Variants in SPRY3 observed in about 807,000 individuals in gnomAD.
SPRY3 encodes the protein protein sprouty homolog 3.
SPRY3 carries 15 observed loss-of-function variants against 20.2 expected under a neutral mutation model. The ratio of observed to expected loss-of-function variants is 0.74; its 90% CI spans 0.50 to 1.14. The LOEUF (loss-of-function observed/expected upper bound fraction) is 1.14. Ranked by LOEUF, SPRY3 falls within the 50% of genes most tolerant of loss-of-function variation. The pLI, the probability that SPRY3 is intolerant of heterozygous loss-of-function variation, is 0.00. For synonymous variants in SPRY3, 143 were observed against 136.5 expected (o/e 1.05, Z -0.33); for missense variants, 364 against 363.9 (o/e 1.00, Z 0.00).
Position 155,616,134 on chromosome X carries a change from T to TCTCTCTCTCTC in SPRY3, c.-441+3488_-441+3498dup, listed in dbSNP as rs2067852455. ...TCTCTCTCTCTCTCTCTCTCTCCTC[T>TCTCTCTCTCTC]CTCTCTCTCTCTCTCTTCTCTCTCT... On this transcript the variant is annotated intron_variant, in intron 1 of 3. Coordinates refer to ENST00000675360, the Ensembl canonical transcript of SPRY3. Among the ~76,000 whole-genome samples the TCTCTCTCTCTC allele has an allele frequency of 6.8e-3, 398 of 58,389 alleles. 15 individuals are homozygous for TCTCTCTCTCTC. The highest frequency in any genetic ancestry group is 9.7e-3 in the Non-Finnish European group (232 of 24,011). 50.7% of individuals were successfully genotyped at this position (58,389 alleles called of 115,157 possible). A position where few individuals can be genotyped will look rare whatever the true frequency, so the allele number is the denominator to read the frequency against.
intron 2 of SPRY3, among the ~76,000 whole-genome samples, chrX:155,742,866 G>T (rs1163091213): frequency 6.6e-6 from 1 of 152,044 alleles, no homozygotes; most frequent in African/African-American, 2.4e-5. Flanking sequence ...AGCATTAAAT[G>T]CCCACATCAA....
intron 2 of SPRY3, among the ~76,000 whole-genome samples, chrX:155,755,326 A>G (rs191931148): frequency 6.4e-4 from 98 of 152,136 alleles, no homozygotes; most frequent in African/African-American, 2.2e-3. Context: ...ATGCTTCCCA[A>G]TCTTCAGTCT....
At chrX:155,727,211 C>T (rs2091104115) in intron 2 of SPRY3, among the ~76,000 whole-genome samples, 3 of 152,128 alleles carry the variant, frequency 2.0e-5, no homozygotes, top group Non-Finnish European at 4.4e-5. Context: ...GGTAACCCAA[C>T]CTTTCTCTCT....
At chrX:155,651,755 G>C (rs2067978160) in intron 1 of SPRY3, among the ~76,000 whole-genome samples, 1 of 111,715 alleles carries the variant, frequency 9.0e-6, no homozygotes, top group Non-Finnish European at 1.9e-5. Context: ...TGGGGTACAT[G>C]AGATGTTTCA....
At chrX:155,778,946 A>C (rs1007939797), downstream of SPRY3, 1 of 167,036 alleles carries the variant, frequency 6.0e-6, no homozygotes, top group Non-Finnish European at 1.5e-5. Flanking sequence ...ATGAGTAAGG[A>C]AAGGGTTAAT....
At position 155,691,032 on chromosome X, in the gene SPRY3, T is replaced by A. The variant is rs1407306356; in HGVS notation, c.-282+34007T>A. ...ACATTTTTATTTTATCGTATATGATTTGTGTCCTATCTAAGGAGTATTGCC... is the reference window on the plus strand; with the variant it reads ...ACATTTTTATTTTATCGTATATGATATGTGTCCTATCTAAGGAGTATTGCC... On this transcript the variant is annotated intron_variant, in intron 2 of 3. Transcript: ENST00000675360. Among the ~76,000 whole-genome samples the A allele has an allele frequency of 2.3e-5, 2 of 87,010 alleles. 1 individual carries two copies. Among genetic ancestry groups the A allele is most frequent in the African/African-American group, 1.1e-4 (2 of 17,989 alleles). The allele number at this position is 87,010 out of a possible 115,157, so 75.6% of individuals were successfully genotyped here. A position where few individuals can be genotyped will look rare whatever the true frequency, so the allele number is the denominator to read the frequency against.
At chrX:155,720,575 C>T (rs975349841) in intron 2 of SPRY3, among the ~76,000 whole-genome samples, 1 of 152,132 alleles carries the variant, frequency 6.6e-6, no homozygotes, top group South Asian at 2.1e-4. Flanking sequence ...GTCATGCCAC[C>T]CCCAGCTTCA....
chrX:155,758,735 C>G (rs6655071), intron 2 of SPRY3, among the ~76,000 whole-genome samples: 51,636 of 151,966 alleles, frequency 0.34, 10,846 homozygotes, highest in African/African-American at 0.59. Context: ...CAAAACATGA[C>G]AAAATGAGTT....
chrX:155,747,418 A>G (rs1174126388), intron 2 of SPRY3, among the ~76,000 whole-genome samples: 1 of 151,900 alleles, frequency 6.6e-6, no homozygotes, highest in Non-Finnish European at 1.5e-5. Context: ...AGATTTTCCT[A>G]TTTTCATTTA....
At chrX:155,621,740 G>A (rs1557349450) in intron 1 of SPRY3, among the ~76,000 whole-genome samples, 1 of 111,605 alleles carries the variant, frequency 9.0e-6, no homozygotes, top group Non-Finnish European at 1.9e-5. Flanking sequence ...TACCAGCAAT[G>A]CTTGGCCCAA....
At chrX:155,720,033 T>G (rs753715068) in intron 2 of SPRY3, among the ~76,000 whole-genome samples, 113 of 152,238 alleles carry the variant, frequency 7.4e-4, no homozygotes, top group African/African-American at 2.5e-3. Context: ...TGATGGCATT[T>G]CTGGACCTGC....
chrX:155,767,448 G>A (rs1345826779), intron 2 of SPRY3, among the ~76,000 whole-genome samples: 2 of 151,926 alleles, frequency 1.3e-5, no homozygotes, highest in Non-Finnish European at 1.5e-5. Context: ...GGTATCTATT[G>A]CTCCGTTGAG....
At chrX:155,725,734 G>A (rs915316901) in intron 2 of SPRY3, among the ~76,000 whole-genome samples, 13 of 151,946 alleles carry the variant, frequency 8.6e-5, no homozygotes, top group East Asian at 1.9e-4. Flanking sequence ...TCTTGCTAGC[G>A]GTCTGTTGAT....
At chrX:155,674,783 T>A (rs1270105240) in intron 2 of SPRY3, among the ~76,000 whole-genome samples, 1 of 110,977 alleles carries the variant, frequency 9.0e-6, no homozygotes, top group Non-Finnish European at 1.9e-5. Flanking sequence ...TTTCCATTGA[T>A]CATTATACAT....
intron 2 of SPRY3, among the ~76,000 whole-genome samples, chrX:155,665,351 G>A (rs2124555467): frequency 9.0e-6 from 1 of 110,962 alleles, no homozygotes; most frequent in East Asian, 2.8e-4. Context: ...CCCACTTCTA[G>A]GCCTATAGTC....
chrX:155,765,167 C>G (rs779749878), intron 2 of SPRY3, among the ~76,000 whole-genome samples: 9 of 152,214 alleles, frequency 5.9e-5, no homozygotes, highest in Admixed American at 5.2e-4. Context: ...TTTGGAGAGA[C>G]ACAAATATTC....
At chrX:155,772,450 C>T (rs2091386741) in intron 3 of SPRY3, among the ~76,000 whole-genome samples, 1 of 152,154 alleles carries the variant, frequency 6.6e-6, no homozygotes, top group Non-Finnish European at 1.5e-5. Context: ...AGCTATCCAT[C>T]ACATACAGTA....
At chrX:155,714,535 T>G (rs2091008236) in intron 2 of SPRY3, among the ~76,000 whole-genome samples, 1 of 152,154 alleles carries the variant, frequency 6.6e-6, no homozygotes, top group Non-Finnish European at 1.5e-5. Context: ...TTTTTCTCTG[T>G]GTTGAGCCAC....
intron 1 of SPRY3, among the ~76,000 whole-genome samples, chrX:155,649,319 A>G (rs782014326): frequency 1.8e-5 from 2 of 111,912 alleles, no homozygotes; most frequent in Non-Finnish European, 3.8e-5. Flanking sequence ...ACAACAAAAA[A>G]AGAAAATTTC....
Sources: allele counts gnomAD v4.1 joint callset (sites outside exome capture counted in the v4.1 genomes callset), GRCh38; gene constraint gnomAD v4.1.1; transcripts MANE v1.5; gene names NCBI Gene and HGNC (gene_info 2026-07-23, HGNC 2026-07-21).